Variants in TNKS observed in about 807,000 individuals in gnomAD.
TNKS encodes poly [ADP-ribose] polymerase tankyrase-1.
A neutral mutation model predicts 135.8 loss-of-function variants in TNKS; 72 were observed. That is an observed-to-expected ratio of 0.53 (90% CI 0.44 to 0.64). The LOEUF is 0.64. TNKS is among the 30% of genes least tolerant of loss of function. The probability of loss-of-function intolerance (pLI) is 0.00; values close to 1 mark genes in which losing one functional copy is unlikely to be tolerated. For synonymous variants in TNKS, 849 were observed against 649.3 expected, an observed-to-expected ratio of 1.31 and a Z score of -4.68; for missense variants, 1,769 against 1,674.0, an observed-to-expected ratio of 1.06 and a Z score of -0.99.
intron 2 of TNKS, among the ~76,000 whole-genome samples, chr8:9,590,341 A>G (rs529084698): frequency 6.6e-6 from 1 of 152,256 alleles, no homozygotes; most frequent in East Asian, 1.9e-4. Context: ...TTCACTAATA[A>G]TGTTAATTCA....
At chr8:9,622,331 C>A (rs1287513589) in intron 3 of TNKS, among the ~76,000 whole-genome samples, 1 of 152,176 alleles carries the variant, frequency 6.6e-6, no homozygotes, top group Non-Finnish European at 1.5e-5. Flanking sequence ...AAGCAAACAA[C>A]TTAGCGTTAC....
intron 1 of TNKS, among the ~76,000 whole-genome samples, chr8:9,578,416 C>T (rs1015519419): frequency 1.3e-5 from 2 of 152,188 alleles, no homozygotes; most frequent in African/African-American, 2.4e-5. Context: ...TGAGCATGTA[C>T]CCTATGCTTT....
At chr8:9,723,030 G>C (rs895291437) in intron 12 of TNKS, among the ~76,000 whole-genome samples, 1 of 151,806 alleles carries the variant, frequency 6.6e-6, no homozygotes, top group Non-Finnish European at 1.5e-5. Context: ...TTTGAAATAA[G>C]ACATTATATA....
At chr8:9,751,951 G>A (rs1806565192) in intron 19 of TNKS, 105 bp downstream of exon 19, 4 of 1,009,690 alleles carry the variant, frequency 4.0e-6, no homozygotes, top group East Asian at 4.8e-5. Context: ...GAGACGTCCT[G>A]TCTGTAAATT....
chr8:9,621,080 A>C (rs909770754), intron 3 of TNKS, among the ~76,000 whole-genome samples: 2 of 152,358 alleles, frequency 1.3e-5, no homozygotes, highest in East Asian at 3.9e-4. Flanking sequence ...ATAAATTTTT[A>C]GCTTCCTAAA....
chr8:9,562,845 AT>A lies in TNKS; in HGVS notation c.673+6243del, dbSNP rs955823956. Among the ~76,000 whole-genome samples the A allele has an allele frequency of 1.2e-4, 17 of 142,122 alleles. 1 individual carries two copies. In the East Asian group the frequency reaches 3.3e-3, roughly 27 times the overall value. 93.2% of individuals were successfully genotyped at this position (142,122 alleles called of 152,430 possible). On this transcript the variant is annotated intron_variant, in intron 1 of 26. Transcript: ENST00000310430. Reference sequence around the variant, plus strand: ...TTTTTTCTTTCTAGATGGGCAAAGGATTTTTTTTTTCTCTTCCATTAAAGAC... The same window carrying A: ...TTTTTTCTTTCTAGATGGGCAAAGGATTTTTTTTTCTCTTCCATTAAAGAC...
In TNKS at chr8:9,662,807, G is replaced by A. The variant is rs1309630141; in HGVS notation, c.995-17144G>A. ...TTCAATGAAAGAGCAGTATTTGAGA[G>A]GCATCATTCACTGTTGTTAAAAATC... On this transcript the variant is annotated intron_variant, in intron 3 of 26. Transcript: ENST00000310430. 3.9e-5 allele frequency among the ~76,000 whole-genome samples: 6 copies of A among 152,124 alleles called. No individual in the cohort carries two copies. The East Asian group carries it at 9.6e-4, about 24-fold the overall frequency.
chr8:9,678,368 TTAAA>T lies in TNKS; in HGVS notation c.995-1580_995-1577del, dbSNP rs574560414. On this transcript the variant is annotated intron_variant, in intron 3 of 26. Coordinates refer to ENST00000310430, the MANE Select transcript of TNKS (RefSeq NM_003747.3). ...TCTTGGGCTTTGGGAAGGCAGGAAC[TTAAA>T]TAGATGGAGGATATAATGAAATGAC... is the stretch of plus-strand genomic sequence containing the variant. 3.7e-3 allele frequency among the ~76,000 whole-genome samples: 565 copies of T among 152,270 alleles called. 4 individuals carry two copies. Among genetic ancestry groups the T allele is most frequent in the African/African-American group, 0.012 (508 of 41,552 alleles).
rs1563225808 is a variant in TNKS at position 9,771,691 on chromosome 8, GAGAGA to G, written c.3897+1430_3897+1434del. Among the ~76,000 whole-genome samples the G allele has an allele frequency of 6.0e-3, 803 of 133,646 alleles. 18 individuals carry two copies. Among genetic ancestry groups the G allele is most frequent in the African/African-American group, 0.022 (754 of 33,886 alleles). 87.7% of individuals were successfully genotyped at this position (133,646 alleles called of 152,430 possible). A position where few individuals can be genotyped will look rare whatever the true frequency, so the allele number is the denominator to read the frequency against. The stretch of plus-strand genomic sequence containing the variant: ...GCAGGAAGGGAGGGAGAGAGAGAGA[GAGAGA>G]GAGGAAGGGAGAAAGCGAGAGAGGA... On this transcript the variant is annotated intron_variant, in intron 26 of 26. Coordinates refer to ENST00000310430, the MANE Select transcript of TNKS (RefSeq NM_003747.3).
chr8:9,676,290 G>C (rs1351350139), intron 3 of TNKS, among the ~76,000 whole-genome samples: 1 of 152,006 alleles, frequency 6.6e-6, no homozygotes, highest in Non-Finnish European at 1.5e-5. Flanking sequence ...TGGGATTACA[G>C]GTGTGAGCCA....
In TNKS at chr8:9,635,342, A is replaced by G. The variant is rs369405703; in HGVS notation, c.994+19665A>G. The stretch of plus-strand genomic sequence containing the variant: ...GTATAGCCCATTGTATGAAATAGGA[A>G]TTCTTCAGTGGTAATACATGAACGA... On this transcript the variant is annotated intron_variant, in intron 3 of 26. Coordinates refer to ENST00000310430, the MANE Select transcript of TNKS (RefSeq NM_003747.3). Among the ~76,000 whole-genome samples, 167 of 152,312 alleles carry G rather than the reference A, an allele frequency of 1.1e-3. 1 individual carries two copies. Among genetic ancestry groups the G allele is most frequent in the African/African-American group, 3.7e-3 (155 of 41,566 alleles).
chr8:9,626,646 C>CG (rs2128769735), intron 3 of TNKS, among the ~76,000 whole-genome samples: 1 of 152,222 alleles, frequency 6.6e-6, no homozygotes, highest in East Asian at 1.9e-4. Flanking sequence ...CTTAATTTGA[C>CG]GCACTCATGC....
rs557801420 is a variant in TNKS at position 9,741,206 on chromosome 8, T to C, written c.2643+5720T>C. ...TCTTAGCATAATTGTTCTCTTCATA[T>C]GGTTTTCTACTAATCCTTTTGCTAA... On this transcript the variant is annotated intron_variant, in intron 17 of 26. Coordinates refer to ENST00000310430, the MANE Select transcript of TNKS (RefSeq NM_003747.3). 2.0e-5 allele frequency: 3 copies of C among 152,786 alleles called. No individual in the cohort carries two copies. In the East Asian group the frequency reaches 5.8e-4, roughly 29 times the overall value. 9.5% of individuals were successfully genotyped at this position (152,786 alleles called of 1,614,324 possible).
At chr8:9,670,558 A>G (rs949842047) in intron 3 of TNKS, among the ~76,000 whole-genome samples, 1 of 152,200 alleles carries the variant, frequency 6.6e-6, no homozygotes, top group Admixed American at 6.5e-5. Flanking sequence ...ACAATGTTAT[A>G]TTAATGAAAT....
intron 11 of TNKS, among the ~76,000 whole-genome samples, chr8:9,714,592 A>T (rs1281809102): frequency 6.6e-6 from 1 of 152,218 alleles, no homozygotes; most frequent in Non-Finnish European, 1.5e-5. Flanking sequence ...TACTGTGGAA[A>T]ATACCAGTTT....
intron 1 of TNKS, among the ~76,000 whole-genome samples, chr8:9,567,771 A>T (rs546323308): frequency 1.4e-3 from 213 of 152,264 alleles, no homozygotes; most frequent in African/African-American, 4.8e-3. Context: ...CTCGTAGATA[A>T]ATTTTGCTGT....
At chr8:9,625,095 T>G (rs1426189703) in intron 3 of TNKS, among the ~76,000 whole-genome samples, 1 of 152,128 alleles carries the variant, frequency 6.6e-6, no homozygotes, top group Admixed American at 6.5e-5. Context: ...TTTGATTCAA[T>G]TTTAAGTAGG....
chr8:9,696,967 G>A (rs1311404153), intron 5 of TNKS, among the ~76,000 whole-genome samples: 31 of 152,022 alleles, frequency 2.0e-4, no homozygotes. Context: ...AAATCATATG[G>A]AACCAAAGAA....
intron 5 of TNKS, among the ~76,000 whole-genome samples, chr8:9,682,419 T>C (rs1802820965): frequency 6.6e-6 from 1 of 152,108 alleles, no homozygotes; most frequent in South Asian, 2.1e-4. Flanking sequence ...TAACAAATTC[T>C]CTCTTCTCCC....
Sources: allele counts gnomAD v4.1 joint callset (sites outside exome capture counted in the v4.1 genomes callset), GRCh38; gene constraint gnomAD v4.1.1; transcripts MANE v1.5; gene names NCBI Gene and HGNC (gene_info 2026-07-23, HGNC 2026-07-21).